The following NUP88 variants were observed in gnomAD, a reference collection of about 807,000 sequenced individuals.
The protein encoded by NUP88 is nucleoporin 88.
Under a neutral mutation model 93.9 loss-of-function variants are expected in NUP88, and 57 were observed. The observed-to-expected ratio is 0.61, with a 90% CI of 0.49 to 0.76. The LOEUF (loss-of-function observed/expected upper bound fraction) is 0.76, where lower values mean the gene tolerates loss of function less well. Ranked by LOEUF, NUP88 falls within the 30% of genes least tolerant of loss-of-function variation. The pLI, the probability that NUP88 is intolerant of heterozygous loss-of-function variation, is 0.00. For missense variants in NUP88, 911 were observed against 901.0 expected, an observed-to-expected ratio of 1.01 and a Z score of -0.14; for synonymous variants, 346 against 336.8, an observed-to-expected ratio of 1.03 and a Z score of -0.30.
At position 5,387,504 on chromosome 17, in the gene NUP88, C is replaced by A. The variant is rs748486; in HGVS notation, c.1836-38G>T. 684,951 of 1,603,424 alleles carry A rather than the reference C, an allele frequency of 0.43. 154,282 individuals carry two copies. Among genetic ancestry groups the A allele is most frequent in the East Asian group, 0.84 (37,712 of 44,816 alleles). ...GACACAAGAGACTCTTGAGGTCCAC[C>A]CCTTGATGCTGAAACCACCTAATGT... On this transcript the variant is annotated intron_variant, in intron 13 of 16. Coordinates refer to ENST00000573584, the MANE Select transcript of NUP88 (RefSeq NM_002532.6).
chr17:5,406,499 A>G (rs1913498941), intron 5 of NUP88, among the ~76,000 whole-genome samples: 1 of 152,210 alleles, frequency 6.6e-6, no homozygotes, highest in Non-Finnish European at 1.5e-5. Context: ...GTTTAAATCA[A>G]GCGATGGAGC....
intron 8 of NUP88, among the ~76,000 whole-genome samples, chr17:5,397,327 G>C (rs1011740426): frequency 6.6e-6 from 1 of 150,852 alleles, no homozygotes; most frequent in Non-Finnish European, 1.5e-5. Context: ...ACAACAGAGT[G>C]AGACCCTCTG....
At chr17:5,392,333 C>G (rs1912493138) in intron 9 of NUP88, among the ~76,000 whole-genome samples, 1 of 152,214 alleles carries the variant, frequency 6.6e-6, no homozygotes, top group South Asian at 2.1e-4. Flanking sequence ...CTTGCAAACT[C>G]ATGTCTCTTC....
chr17:5,400,009 C>T (rs935935933), intron 7 of NUP88, among the ~76,000 whole-genome samples: 6 of 151,700 alleles, frequency 4.0e-5, no homozygotes, highest in African/African-American at 9.7e-5. Context: ...AATAGTGTTA[C>T]GTCAAAAAAT....
chr17:5,398,228 C>T (rs1449598675), intron 8 of NUP88, among the ~76,000 whole-genome samples: 1 of 151,622 alleles, frequency 6.6e-6, no homozygotes, highest in Non-Finnish European at 1.5e-5. Flanking sequence ...AATGTGAATC[C>T]ATGTGGTCCT....
chr17:5,393,969 A>G (rs1410486870), intron 9 of NUP88, among the ~76,000 whole-genome samples: 1 of 152,200 alleles, frequency 6.6e-6, no homozygotes, highest in Non-Finnish European at 1.5e-5. Flanking sequence ...TCTACTGGGG[A>G]TAACTGGGGT....
At chr17:5,391,695 G>T in intron 9 of NUP88, 33 bp from the exon 10 acceptor site, 1 of 1,555,378 alleles carries the variant, frequency 6.4e-7, no homozygotes, top group South Asian at 1.1e-5. Context: ...AAATTACAAA[G>T]CAGCAAATGC....
At chr17:5,391,429 C>T (rs1198587164) in intron 10 of NUP88, 132 bp downstream of exon 10, 6 of 663,606 alleles carry the variant, frequency 9.0e-6, no homozygotes, top group African/African-American at 1.8e-5. Flanking sequence ...ATCCATCCTT[C>T]CAACCCTCAA....
chr17:5,401,057 CTG>C (rs1230586506), intron 7 of NUP88, among the ~76,000 whole-genome samples: 1 of 151,956 alleles, frequency 6.6e-6, no homozygotes, highest in Non-Finnish European at 1.5e-5. Flanking sequence ...ATATTTATCT[CTG>C]TAACTCAATA....
intron 6 of NUP88, among the ~76,000 whole-genome samples, chr17:5,404,789 G>A (rs1913395960): frequency 6.6e-6 from 1 of 152,076 alleles, no homozygotes. Flanking sequence ...TGATTCCAAG[G>A]CTCTTTGTAT....
At chr17:5,417,702 G>A (rs1241922171) in intron 1 of NUP88, among the ~76,000 whole-genome samples, 1 of 152,078 alleles carries the variant, frequency 6.6e-6, no homozygotes. Flanking sequence ...AGCCGGGTAC[G>A]GTGGAGTGGG....
chr17:5,419,474 G>A lies in NUP88; in HGVS notation c.177C>T (p.Asn59=), dbSNP rs532239380. Residue 59 remains asparagine (N), a synonymous_variant, in exon 1 of 17, where the codon AAC becomes AAT. Coordinates refer to ENST00000573584, the MANE Select transcript of NUP88 (RefSeq NM_002532.6). ...SSPPPQLLTR[N]VVFGLGGELF... ...GCTCTCCGCCGAGGCCAAAGACCAC[G>A]TTTCTCGTCAGCAACTGCGGCGGCG... 2 of 1,614,062 alleles carry A rather than the reference G, an allele frequency of 1.2e-6. No homozygotes were observed. The highest frequency in any genetic ancestry group is 1.7e-6 in the Non-Finnish European group (2 of 1,179,976).
chr17:5,396,579 A>C (rs927387034), intron 8 of NUP88, among the ~76,000 whole-genome samples: 1 of 152,230 alleles, frequency 6.6e-6, no homozygotes, highest in Non-Finnish European at 1.5e-5. Flanking sequence ...ATGATGAATA[A>C]TGCTGCTGTG....
At chr17:5,392,847 T>C (rs1281382353) in intron 9 of NUP88, among the ~76,000 whole-genome samples, 3 of 152,192 alleles carry the variant, frequency 2.0e-5, no homozygotes, top group African/African-American at 7.2e-5. Flanking sequence ...TGGAGTGCAA[T>C]AGTGCGATCA....
chr17:5,389,097 T>C (rs1912245971), intron 10 of NUP88, 137 bp from the exon 11 acceptor site: 1 of 633,946 alleles, frequency 1.6e-6, no homozygotes, highest in Non-Finnish European at 2.5e-6. Context: ...GAATGCATGT[T>C]TTCCACCTTG....
intron 11 of NUP88, chr17:5,388,163 G>C (rs1395911896): frequency 3.9e-6 from 1 of 253,912 alleles, no homozygotes; most frequent in East Asian, 8.8e-5. Context: ...ACCACGCCTG[G>C]CTAATTATTG....
chr17:5,386,220 G>T lies in NUP88; in HGVS notation c.2212C>A (p.His738Asn). The T allele has an allele frequency of 6.2e-7, 1 of 1,613,344 alleles. No individual in the cohort carries two copies. The highest frequency in any genetic ancestry group is 1.1e-5 in the South Asian group (1 of 90,932). Residue 738 changes from histidine to asparagine, a missense_variant, in exon 17 of 17, where the codon CAT becomes AAT. By Grantham distance (68) the His-to-Asn change is moderately conservative. Transcript: ENST00000573584. ...TCCTGGTGGTGTCAGAAGTTTACAT[G>T]ATTGCGGATATCATTGATTTGCTTC... ...MVKQINDIRN[H>N]VNF
intron 2 of NUP88, among the ~76,000 whole-genome samples, chr17:5,416,282 G>A (rs114470642): frequency 0.015 from 2,224 of 150,816 alleles, 61 homozygotes; most frequent in African/African-American, 0.051. Context: ...CTACCTAATC[G>A]AAAGAATGGC....
At chr17:5,417,449 C>A (rs1914218040) in intron 1 of NUP88, among the ~76,000 whole-genome samples, 1 of 152,116 alleles carries the variant, frequency 6.6e-6, no homozygotes, top group Non-Finnish European at 1.5e-5. Context: ...GCCTGGGCAA[C>A]AGAGAAAGAC....
Sources: gnomAD v4.1 joint callset for allele counts (sites outside exome capture counted in the v4.1 genomes callset) on GRCh38, gnomAD v4.1.1 for gene constraint, MANE v1.5 for transcripts, NCBI Gene and HGNC (gene_info 2026-07-23, HGNC 2026-07-21) for gene names.